VWDE: variants seen among roughly 807,000 people sequenced by gnomAD.
VWDE encodes the protein von Willebrand factor D and EGF domain-containing protein.
VWDE carries 207 observed loss-of-function variants against 178.4 expected under a neutral mutation model. The observed-to-expected ratio is 1.16, with a 90% CI of 1.04 to 1.30. VWDE has a LOEUF of 1.30. Ranked by LOEUF, VWDE falls within the 50% of genes most tolerant of loss-of-function variation. The pLI is 0.00. For missense variants in VWDE, 2,287 were observed against 1,901.3 expected (o/e 1.20, Z -3.77); for synonymous variants, 738 against 651.4 (o/e 1.13, Z -2.02).
chr7:12,383,432 C>A, intron 4 of VWDE, 104 bp downstream of exon 4: 1 of 949,084 alleles, frequency 1.1e-6, no homozygotes, highest in Non-Finnish European at 1.6e-6. Flanking sequence ...TTGGTTATAT[C>A]AAATATCAAT....
intron 3 of VWDE, among the ~76,000 whole-genome samples, chr7:12,386,724 A>T (rs927580679): frequency 6.6e-6 from 1 of 152,174 alleles, no homozygotes; most frequent in Non-Finnish European, 1.5e-5. Flanking sequence ...GTGACGCTTC[A>T]TTATATATTT....
At position 12,387,187 on chromosome 7, in the gene VWDE, A is replaced by G. The variant is rs148052832; in HGVS notation, c.475+1940T>C. ...TGTTGAGAACATTGTCTTAGTTTCTATAATCATGTAAAGTAGACAATAATG... is the reference window on the plus strand; with the variant it reads ...TGTTGAGAACATTGTCTTAGTTTCTGTAATCATGTAAAGTAGACAATAATG... On this transcript the variant is annotated intron_variant, in intron 3 of 28. Transcript: ENST00000275358. Among the ~76,000 whole-genome samples, 1,083 of 152,274 alleles carry G rather than the reference A, an allele frequency of 7.1e-3. 12 individuals carry two copies. The highest frequency in any genetic ancestry group is 0.024 in the African/African-American group (997 of 41,574).
chr7:12,386,718 C>T lies in VWDE; in HGVS notation c.475+2409G>A, dbSNP rs140466783. ...CTTTTGTTAGACGTTTCGCTGGTGA[C>T]GCTTCATTATATATTTCATCCTCTC... On this transcript the variant is annotated intron_variant, in intron 3 of 28. Transcript: ENST00000275358. Among the ~76,000 whole-genome samples, 9 of 152,218 alleles carry T rather than the reference C, an allele frequency of 5.9e-5. No individual in the cohort carries two copies. The East Asian group carries it at 1.4e-3, about 23-fold the overall frequency.
intron 28 of VWDE, among the ~76,000 whole-genome samples, chr7:12,331,697 G>A (rs184233657): frequency 4.9e-4 from 75 of 152,138 alleles, no homozygotes; most frequent in African/African-American, 1.7e-3. Flanking sequence ...CTAACATTAG[G>A]TGCTACTATT....
chr7:12,401,562 T>C (rs1784894173), intron 1 of VWDE, among the ~76,000 whole-genome samples: 1 of 152,140 alleles, frequency 6.6e-6, no homozygotes, highest in African/African-American at 2.4e-5. Flanking sequence ...CATTAGCCAT[T>C]AGGAAAATGA....
At position 12,403,567 on chromosome 7, in the gene VWDE, C is replaced by G. The variant is rs1331598111; in HGVS notation, c.58+92G>C. 4.0e-6 allele frequency: 5 copies of G among 1,255,750 alleles called. No individual in the cohort carries two copies. The South Asian group carries it at 6.0e-5, about 15-fold the overall frequency. The allele number at this position is 1,255,750 out of a possible 1,614,324, so 77.8% of individuals were successfully genotyped here. A position where few individuals can be genotyped will look rare whatever the true frequency, so the allele number is the denominator to read the frequency against. On this transcript the variant is annotated intron_variant, in intron 1 of 28. Transcript: ENST00000275358. The stretch of plus-strand genomic sequence containing the variant: ...TGCTGCCTTAAAACGCACAGGGACG[C>G]TCCCCAAGTCGTCCAAAAAGTCTAG...
chr7:12,385,223 T>G (rs981577463), intron 3 of VWDE, among the ~76,000 whole-genome samples: 2 of 152,176 alleles, frequency 1.3e-5, no homozygotes, highest in Non-Finnish European at 2.9e-5. Context: ...ACTATGATAT[T>G]AAAGTGAAAT....
At chr7:12,365,775 C>T (rs528260018) in intron 13 of VWDE, among the ~76,000 whole-genome samples, 2 of 152,122 alleles carry the variant, frequency 1.3e-5, no homozygotes, top group Admixed American at 6.6e-5. Context: ...GCAAGACTGG[C>T]GCTAGGAGAG....
chr7:12,395,567 G>A (rs1263568831), intron 1 of VWDE, among the ~76,000 whole-genome samples: 1 of 151,796 alleles, frequency 6.6e-6, no homozygotes, highest in African/African-American at 2.4e-5. Flanking sequence ...TGACATCAAC[G>A]ACATTACAGA....
Position 12,370,179 on chromosome 7 carries a change from T to C in VWDE, c.2127A>G (p.Leu709=), listed in dbSNP as rs2128555562. 1 of 1,551,538 alleles carries C rather than the reference T, an allele frequency of 6.4e-7. No individual in the cohort carries two copies. Among genetic ancestry groups the C allele is most frequent in the Non-Finnish European group, 8.7e-7 (1 of 1,146,890 alleles). ...CATTTCCAGGATGTTTTTGTACATTTAAGCCGAGTTTAGTCAGGTTTATGT... is the reference window on the plus strand; with the variant it reads ...CATTTCCAGGATGTTTTTGTACATTCAAGCCGAGTTTAGTCAGGTTTATGT... ...KKHINLTKLG[L]NVQKHPGNEK... Residue 709 remains leucine (L), a synonymous_variant, in exon 12 of 29, where the codon TTA becomes TTG. Coordinates refer to ENST00000275358, the MANE Select transcript of VWDE (RefSeq NM_001135924.3).
intron 12 of VWDE, among the ~76,000 whole-genome samples, chr7:12,369,141 A>T (rs1242225031): frequency 6.6e-6 from 1 of 152,178 alleles, no homozygotes; most frequent in Non-Finnish European, 1.5e-5. Flanking sequence ...CAGTGCTTTA[A>T]AAATACTAAA....
Position 12,373,039 on chromosome 7 carries a change from T to C in VWDE, c.1525A>G (p.Lys509Glu). Residue 509 changes from lysine to glutamate, a missense_variant, in exon 10 of 29, where the codon AAA (lysine) becomes GAA (glutamate). Physicochemically the swap from Lys to Glu is moderately conservative, Grantham distance 56 (BLOSUM62 1). Transcript: ENST00000275358. ...LRESQPYLFI[K>E]SQDVTRNIKI... ...ATATTCCTGGTTACATCTTGGCTTT[T>C]TATGAACAAATATGGTTGTGATTCA... The C allele has an allele frequency of 2.6e-6, 4 of 1,551,288 alleles. No individual in the cohort carries two copies. Among genetic ancestry groups the C allele is most frequent in the Non-Finnish European group, 3.5e-6 (4 of 1,146,704 alleles).
chr7:12,337,669 A>G (rs916425730), intron 24 of VWDE, among the ~76,000 whole-genome samples: 5 of 152,230 alleles, frequency 3.3e-5, no homozygotes, highest in Non-Finnish European at 5.9e-5. Flanking sequence ...ACAATTTTCC[A>G]CATATTTAAA....
chr7:12,395,219 G>A (rs1202893120), intron 1 of VWDE, among the ~76,000 whole-genome samples: 6 of 151,348 alleles, frequency 4.0e-5, no homozygotes. Flanking sequence ...TGTGTAGATA[G>A]GAGTCAAGGG....
rs555259639 is a variant in VWDE, at chr7:12,349,503, A to C, written c.3886+2070T>G. On this transcript the variant is annotated intron_variant, in intron 19 of 28. Coordinates refer to ENST00000275358, the MANE Select transcript of VWDE (RefSeq NM_001135924.3). ...AGAAGCTATAAATAAAAGATTTAAA[A>C]ATATATTTATTTGATTACATAAAAT... is the stretch of plus-strand genomic sequence containing the variant. Among the ~76,000 whole-genome samples the C allele has an allele frequency of 4.0e-5, 6 of 151,650 alleles. No individual in the cohort carries two copies. The East Asian group carries it at 1.2e-3, about 29-fold the overall frequency.
At chr7:12,397,560 A>C (rs1192192762) in intron 1 of VWDE, among the ~76,000 whole-genome samples, 7 of 152,136 alleles carry the variant, frequency 4.6e-5, no homozygotes, top group Non-Finnish European at 8.8e-5. Flanking sequence ...AAAACCTAAA[A>C]ATTAACAAGT....
chr7:12,343,248 C>T (rs572736602), intron 21 of VWDE, 70 bp from the exon 22 acceptor site: 2 of 1,102,046 alleles, frequency 1.8e-6, no homozygotes, highest in East Asian at 2.7e-5. Flanking sequence ...TTATAAAGCA[C>T]TGTCACAATA....
At chr7:12,383,720 C>A (rs993778301) in intron 3 of VWDE, 119 bp from the exon 4 acceptor site, 1 of 822,308 alleles carries the variant, frequency 1.2e-6, no homozygotes, top group Admixed American at 2.9e-5. Context: ...TTTCTTAATT[C>A]TTCTCTTATT....
intron 13 of VWDE, among the ~76,000 whole-genome samples, chr7:12,361,748 C>T (rs765630315): frequency 2.6e-5 from 4 of 151,984 alleles, no homozygotes; most frequent in Non-Finnish European, 5.9e-5. Flanking sequence ...CATTTCTTGG[C>T]GGTTCAAATC....
Sources: gnomAD v4.1 joint callset for allele counts (sites outside exome capture counted in the v4.1 genomes callset) on GRCh38, gnomAD v4.1.1 for gene constraint, MANE v1.5 for transcripts, NCBI Gene and HGNC (gene_info 2026-07-23, HGNC 2026-07-21) for gene names.